Variants in SGCZ observed in about 807,000 individuals in gnomAD.
SGCZ encodes the protein zeta-sarcoglycan.
A neutral mutation model predicts 41.3 loss-of-function variants in SGCZ; 40 were observed. The ratio of observed to expected loss-of-function variants is 0.97; its 90% CI spans 0.75 to 1.26. SGCZ has a LOEUF of 1.26. SGCZ is among the 50% of genes most tolerant of loss of function. SGCZ has a pLI of 0.00. For synonymous variants in SGCZ, 206 were observed against 137.5 expected, an observed-to-expected ratio of 1.50 and a Z score of -3.49; for missense variants, 552 against 369.8, an observed-to-expected ratio of 1.49 and a Z score of -4.04.
intron 2 of SGCZ, among the ~76,000 whole-genome samples, chr8:14,528,711 C>T (rs563223731): frequency 6.6e-6 from 1 of 151,652 alleles, no homozygotes; most frequent in African/African-American, 2.4e-5. Flanking sequence ...TGAGGTTGTC[C>T]TCCCTCTCTG....
intron 3 of SGCZ, among the ~76,000 whole-genome samples, chr8:14,293,563 G>GT (rs1395230377): frequency 6.6e-6 from 1 of 151,828 alleles, no homozygotes; most frequent in Non-Finnish European, 1.5e-5. Context: ...TAATTTCTAG[G>GT]TAGTGTAATG....
intron 3 of SGCZ, among the ~76,000 whole-genome samples, chr8:14,297,391 A>G (rs1304641796): frequency 6.6e-6 from 1 of 152,044 alleles, no homozygotes; most frequent in Non-Finnish European, 1.5e-5. Context: ...CAAAATAAAT[A>G]TATAGAAATA....
chr8:15,136,653 CT>C (rs956942021), intron 1 of SGCZ, among the ~76,000 whole-genome samples: 3 of 152,104 alleles, frequency 2.0e-5, no homozygotes, highest in African/African-American at 7.2e-5. Flanking sequence ...TTATTAGTGT[CT>C]GGTATTTTCC....
chr8:14,382,762 G>A (rs538381689), intron 2 of SGCZ, among the ~76,000 whole-genome samples: 2 of 152,174 alleles, frequency 1.3e-5, no homozygotes, highest in Non-Finnish European at 2.9e-5. Flanking sequence ...AAAGAGTTTT[G>A]TAATGTTTGC....
chr8:14,562,396 TAAC>T (rs1368192506), intron 1 of SGCZ, among the ~76,000 whole-genome samples: 7 of 152,174 alleles, frequency 4.6e-5, no homozygotes, highest in East Asian at 3.9e-4. Context: ...GAAAAATAAA[TAAC>T]AACATTATCA....
chr8:14,529,562 A>G (rs1053047346), intron 2 of SGCZ, among the ~76,000 whole-genome samples: 4 of 152,104 alleles, frequency 2.6e-5, no homozygotes, highest in South Asian at 2.1e-4. Flanking sequence ...ACTTTCCATG[A>G]TCACACCTAC....
At chr8:14,725,868 G>A (rs557421560) in intron 1 of SGCZ, among the ~76,000 whole-genome samples, 7 of 152,148 alleles carry the variant, frequency 4.6e-5, no homozygotes, top group Admixed American at 2.6e-4. Flanking sequence ...ATGGAAAGGC[G>A]ATTACTAAAA....
chr8:14,251,044 A>G (rs780006651), intron 3 of SGCZ, among the ~76,000 whole-genome samples: 1 of 152,170 alleles, frequency 6.6e-6, no homozygotes, highest in Non-Finnish European at 1.5e-5. Context: ...CCTGGCCAAC[A>G]TGGCGAAACC....
At chr8:14,636,233 G>C (rs531165410) in intron 1 of SGCZ, among the ~76,000 whole-genome samples, 2 of 151,984 alleles carry the variant, frequency 1.3e-5, no homozygotes, top group South Asian at 2.1e-4. Flanking sequence ...AGCTGGTAGT[G>C]ATCTTAAGAA....
Position 14,657,211 on chromosome 8 carries a change from G to T in SGCZ, c.40-102285C>A, listed in dbSNP as rs551105827. On this transcript the variant is annotated intron_variant, in intron 1 of 7. Transcript: ENST00000382080. ...TCTTAGTTGAGTGAAGAGACGTATG[G>T]ATTTTTCCCTGTAACCCCAGAAATC... Among the ~76,000 whole-genome samples, 3 of 152,084 alleles carry T rather than the reference G, an allele frequency of 2.0e-5. No individual in the cohort carries two copies. The South Asian group carries it at 6.2e-4, about 32-fold the overall frequency.
intron 1 of SGCZ, among the ~76,000 whole-genome samples, chr8:15,168,129 G>A (rs1799718543): frequency 6.6e-6 from 1 of 152,132 alleles, no homozygotes; most frequent in Non-Finnish European, 1.5e-5. Flanking sequence ...TTTGGCTTAT[G>A]TTAAGGAATC....
intron 1 of SGCZ, among the ~76,000 whole-genome samples, chr8:14,556,001 G>T (rs186329294): frequency 6.6e-6 from 1 of 151,916 alleles, no homozygotes; most frequent in Non-Finnish European, 1.5e-5. Context: ...AAAAACTAAA[G>T]ATGATATTCT....
At chr8:14,744,967 G>A (rs776967482) in intron 1 of SGCZ, among the ~76,000 whole-genome samples, 2 of 152,098 alleles carry the variant, frequency 1.3e-5, no homozygotes, top group Non-Finnish European at 2.9e-5. Flanking sequence ...CTCCTTGAAG[G>A]AATGTTTTAC....
At chr8:14,790,358 T>C (rs918661554) in intron 1 of SGCZ, among the ~76,000 whole-genome samples, 1 of 152,220 alleles carries the variant, frequency 6.6e-6, no homozygotes, top group African/African-American at 2.4e-5. Flanking sequence ...GCAATAATCT[T>C]GTCAATGAAA....
At chr8:14,926,410 T>A (rs563804057) in intron 1 of SGCZ, among the ~76,000 whole-genome samples, 1 of 152,176 alleles carries the variant, frequency 6.6e-6, no homozygotes, top group East Asian at 1.9e-4. Flanking sequence ...TATTCTTTGA[T>A]TTTGCTAAAT....
intron 4 of SGCZ, among the ~76,000 whole-genome samples, chr8:14,208,815 T>C (rs1423325844): frequency 6.6e-6 from 1 of 152,236 alleles, no homozygotes; most frequent in Non-Finnish European, 1.5e-5. Flanking sequence ...ATGCTAATCA[T>C]AGCATTATTA....
intron 4 of SGCZ, among the ~76,000 whole-genome samples, chr8:14,237,200 C>G (rs1261521073): frequency 6.6e-6 from 1 of 151,828 alleles, no homozygotes; most frequent in African/African-American, 2.4e-5. Flanking sequence ...AGAGTAATGA[C>G]CAGCAAAATA....
intron 3 of SGCZ, chr8:14,309,730 G>A (rs1395164558): frequency 6.2e-7 from 1 of 1,603,884 alleles, no homozygotes. Context: ...CGAGATTTGG[G>A]AGCTGAACCA....
At chr8:14,813,710 C>A (rs559778567) in intron 1 of SGCZ, among the ~76,000 whole-genome samples, 1 of 152,024 alleles carries the variant, frequency 6.6e-6, no homozygotes, top group African/African-American at 2.4e-5. Context: ...CCAACACTTT[C>A]GGAGAGGGAG....
Sources: allele counts gnomAD v4.1 joint callset (sites outside exome capture counted in the v4.1 genomes callset), GRCh38; gene constraint gnomAD v4.1.1; transcripts MANE v1.5; gene names NCBI Gene and HGNC (gene_info 2026-07-23, HGNC 2026-07-21).